Variants in BMPER observed in about 807,000 individuals in gnomAD.
The protein encoded by BMPER is BMP binding endothelial regulator, also known as BMP-binding endothelial regulator protein.
BMPER carries 45 observed loss-of-function variants against 87.3 expected under a neutral mutation model. The observed-to-expected ratio is 0.52, with a 90% CI of 0.41 to 0.66. BMPER has a LOEUF of 0.66. Among genes scored for constraint, BMPER ranks in the 30% least tolerant of loss-of-function variants. BMPER has a pLI of 0.00. For missense variants in BMPER, 784 were observed against 867.5 expected, an observed-to-expected ratio of 0.90 and a Z score of 1.21; for synonymous variants, 326 against 316.2, an observed-to-expected ratio of 1.03 and a Z score of -0.33.
chr7:34,065,773 T>C (rs1357900031), intron 11 of BMPER, among the ~76,000 whole-genome samples: 1 of 152,232 alleles, frequency 6.6e-6, no homozygotes, highest in Non-Finnish European at 1.5e-5. Context: ...TCTAAAAGCA[T>C]GCAGGTTTTG....
At chr7:34,143,052 A>C (rs547690470) in intron 13 of BMPER, among the ~76,000 whole-genome samples, 178 bp from the exon 14 acceptor site, 1 of 152,314 alleles carries the variant, frequency 6.6e-6, no homozygotes, top group African/African-American at 2.4e-5. Flanking sequence ...ACACTGTTCA[A>C]AGGTATCCAG....
chr7:33,945,680 GACCTTTACCTCCATCTGTTATCTTC>G (rs1449479777), intron 3 of BMPER, among the ~76,000 whole-genome samples: 2 of 152,142 alleles, frequency 1.3e-5, no homozygotes, highest in African/African-American at 4.8e-5. Context: ...TTGATTTTAA[GACCTTTACCTCCATCTGTTATCTTC>G]ATGGAAGTAC....
chr7:33,965,458 T>G (rs1785383354), intron 3 of BMPER, among the ~76,000 whole-genome samples: 1 of 152,166 alleles, frequency 6.6e-6, no homozygotes, highest in South Asian at 2.1e-4. Context: ...CTCTTCTGTC[T>G]TGGACAAGAA....
chr7:33,997,724 G>A (rs781180618), intron 6 of BMPER, among the ~76,000 whole-genome samples: 3 of 152,096 alleles, frequency 2.0e-5, no homozygotes, highest in Non-Finnish European at 2.9e-5. Flanking sequence ...TTCCTTGAAT[G>A]TGTCAGACAC....
Position 34,131,129 on chromosome 7 carries a change from G to A in BMPER, c.1746-12101G>A, listed in dbSNP as rs2127991634. Among the ~76,000 whole-genome samples, 2 of 152,170 alleles carry A rather than the reference G, an allele frequency of 1.3e-5. 1 individual carries two copies. The highest frequency in any genetic ancestry group is 4.2e-4 in the South Asian group (2 of 4,810). On this transcript the variant is annotated intron_variant, in intron 13 of 14. Coordinates refer to ENST00000649409, the MANE Select transcript of BMPER (RefSeq NM_001365308.1). ...TGGGGAAGCTGGCATGGAGGGGAAG[G>A]CCTGTGGTGTTTATGATTTGGCTTT...
intron 13 of BMPER, among the ~76,000 whole-genome samples, chr7:34,141,045 C>A (rs550636034): frequency 6.6e-6 from 1 of 150,592 alleles, no homozygotes; most frequent in African/African-American, 2.5e-5. Context: ...GAACCTGGGG[C>A]AGCCGAAAAT....
At chr7:34,051,514 T>C (rs935282442) in intron 7 of BMPER, among the ~76,000 whole-genome samples, 2 of 152,194 alleles carry the variant, frequency 1.3e-5, no homozygotes, top group Admixed American at 1.3e-4. Flanking sequence ...GAACTTACCT[T>C]ACTGTTGTAT....
intron 2 of BMPER, among the ~76,000 whole-genome samples, chr7:33,919,470 A>T (rs1562629830): frequency 6.6e-6 from 1 of 152,120 alleles, no homozygotes; most frequent in South Asian, 2.1e-4. Context: ...TGAACCTCCA[A>T]CTCTGAATTA....
At chr7:34,099,983 C>G (rs1585833821) in intron 13 of BMPER, among the ~76,000 whole-genome samples, 1 of 152,076 alleles carries the variant, frequency 6.6e-6, no homozygotes, top group East Asian at 1.9e-4. Flanking sequence ...TTGCCTACAA[C>G]AGGGGATTCT....
intron 2 of BMPER, among the ~76,000 whole-genome samples, chr7:33,936,837 T>C (rs1784614474): frequency 6.6e-6 from 1 of 152,248 alleles, no homozygotes; most frequent in African/African-American, 2.4e-5. Context: ...TTTAGATTGC[T>C]GCATTTTAAT....
chr7:33,989,591 T>C (rs1295999815), intron 6 of BMPER, among the ~76,000 whole-genome samples: 2 of 152,234 alleles, frequency 1.3e-5, no homozygotes, highest in African/African-American at 2.4e-5. Context: ...TGGTAGTTTC[T>C]TTCACTGTGC....
At position 34,153,191 on chromosome 7, in the gene BMPER, G is replaced by A. The variant is rs1203157762; in HGVS notation, c.1976G>A (p.Cys659Tyr). Residue 659 changes from cysteine to tyrosine, a missense_variant, in exon 15 of 15, where the codon TGC (cysteine) becomes TAC (tyrosine). Cys to Tyr is a radical substitution (Grantham distance 194, BLOSUM62 -2). Coordinates refer to ENST00000649409, the MANE Select transcript of BMPER (RefSeq NM_001365308.1). ...WNEIGPCNKP[C>Y]VAGCHCPANL... ...GAAATTGGTCCATGCAACAAGCCGT[G>A]CGTTGCTGGGTGCCACTGTCCAGCA... 26 of 1,614,084 alleles carry A rather than the reference G, an allele frequency of 1.6e-5. No individual in the cohort carries two copies. The highest frequency in any genetic ancestry group is 1.9e-5 in the Non-Finnish European group (23 of 1,179,978).
chr7:33,985,049 A>G (rs1785965562), intron 6 of BMPER, among the ~76,000 whole-genome samples: 1 of 152,200 alleles, frequency 6.6e-6, no homozygotes, highest in African/African-American at 2.4e-5. Context: ...TCAAAAATGA[A>G]GAGGAATTCA....
intron 10 of BMPER, 50 bp downstream of exon 10, chr7:34,058,213 C>T: frequency 6.5e-7 from 1 of 1,528,420 alleles, no homozygotes; most frequent in Non-Finnish European, 9.1e-7. Flanking sequence ...GAGAAATGTC[C>T]TGTGTGTGGC....
chr7:34,116,939 A>G (rs1471647964), intron 13 of BMPER, among the ~76,000 whole-genome samples: 1 of 152,006 alleles, frequency 6.6e-6, no homozygotes, highest in Non-Finnish European at 1.5e-5. Flanking sequence ...CAGTGATCTG[A>G]GATCGCTCCA....
At chr7:33,918,148 T>A (rs986270728) in intron 2 of BMPER, among the ~76,000 whole-genome samples, 1 of 152,166 alleles carries the variant, frequency 6.6e-6, no homozygotes, top group Admixed American at 6.5e-5. Flanking sequence ...GCTAGGATCT[T>A]GATCTTAATT....
At chr7:33,941,724 G>C (rs750721154) in intron 3 of BMPER, among the ~76,000 whole-genome samples, 1 of 152,140 alleles carries the variant, frequency 6.6e-6, no homozygotes, top group Admixed American at 6.5e-5. Context: ...GAGCGATGGG[G>C]ATCAGCTGTA....
At chr7:34,054,866 G>T (rs955249368) in intron 8 of BMPER, among the ~76,000 whole-genome samples, 10 of 152,196 alleles carry the variant, frequency 6.6e-5, no homozygotes, top group Non-Finnish European at 5.9e-5. Flanking sequence ...GGGGAGCTGG[G>T]CGGTCTTGCC....
At chr7:33,951,051 C>CTT (rs540716363) in intron 3 of BMPER, among the ~76,000 whole-genome samples, 5 of 141,848 alleles carry the variant, frequency 3.5e-5, no homozygotes, top group African/African-American at 7.7e-5. Flanking sequence ...CCTGGTGGGA[C>CTT]TTTTTTTTTT....
Sources: gnomAD v4.1 joint callset for allele counts (sites outside exome capture counted in the v4.1 genomes callset) on GRCh38, gnomAD v4.1.1 for gene constraint, MANE v1.5 for transcripts, NCBI Gene and HGNC (gene_info 2026-07-23, HGNC 2026-07-21) for gene names.